Variants in CCDC91 observed in about 807,000 individuals in gnomAD.
The protein encoded by CCDC91 is coiled-coil domain containing 91, also known as coiled-coil domain-containing protein 91.
CCDC91 carries 48 observed loss-of-function variants against 63.2 expected under a neutral mutation model. The ratio of observed to expected loss-of-function variants is 0.76; its 90% CI spans 0.60 to 0.97. CCDC91 has a LOEUF of 0.97. Ranked by LOEUF, CCDC91 falls within the 50% of genes least tolerant of loss-of-function variation. CCDC91 has a pLI of 0.00. For synonymous variants in CCDC91, 167 were observed against 165.8 expected, an observed-to-expected ratio of 1.01 and a Z score of -0.06; for missense variants, 500 against 494.6, an observed-to-expected ratio of 1.01 and a Z score of -0.10.
intron 1 of CCDC91, among the ~76,000 whole-genome samples, chr12:28,246,293 A>G (rs1339045748): frequency 5.9e-5 from 9 of 152,154 alleles, no homozygotes; most frequent in Non-Finnish European, 2.9e-5. Context: ...AGCACAGGGA[A>G]GAGTTATATG....
At chr12:28,530,198 TA>T (rs1941618241) in intron 12 of CCDC91, among the ~76,000 whole-genome samples, 1 of 152,156 alleles carries the variant, frequency 6.6e-6, no homozygotes, top group Admixed American at 6.6e-5. Context: ...GTCTATGTCA[TA>T]AAAAGCAATA....
At chr12:28,221,306 T>C (rs1488923302) in intron 1 of CCDC91, among the ~76,000 whole-genome samples, 2 of 152,184 alleles carry the variant, frequency 1.3e-5, no homozygotes, top group African/African-American at 4.8e-5. Context: ...TTAAAAGTTA[T>C]AAAGCATATT....
chr12:28,379,670 A>T (rs553513507), intron 7 of CCDC91, among the ~76,000 whole-genome samples: 5 of 152,252 alleles, frequency 3.3e-5, no homozygotes, highest in Admixed American at 6.5e-5. Flanking sequence ...GCTGGAGAGG[A>T]TGTGGAGAAA....
At chr12:28,543,211 A>G (rs917057892) in intron 12 of CCDC91, among the ~76,000 whole-genome samples, 2 of 152,084 alleles carry the variant, frequency 1.3e-5, no homozygotes, top group African/African-American at 4.8e-5. Context: ...CATCTTAATT[A>G]CATCAGCAAA....
chr12:28,212,391 C>T (rs11049466), intron 1 of CCDC91, among the ~76,000 whole-genome samples: 2 of 152,304 alleles, frequency 1.3e-5, no homozygotes, highest in East Asian at 1.9e-4. Flanking sequence ...AAGTGAGGTA[C>T]AGAACAGCTT....
rs140174832 is a variant in CCDC91 at position 28,264,535 on chromosome 12, A to ATG, written c.109+5095_109+5096dup. Among the ~76,000 whole-genome samples the ATG allele has an allele frequency of 2.3e-3, 352 of 150,550 alleles. 12 individuals are homozygous for ATG. The East Asian group carries it at 0.061, about 26-fold the overall frequency. ...CTTATATATAAATATGTATGTATAT[A>ATG]TGTATATATATGTGTATAAGAATAT... is the stretch of plus-strand genomic sequence containing the variant. On this transcript the variant is annotated intron_variant, in intron 3 of 12. Transcript: ENST00000536442.
chr12:28,328,786 C>G (rs1941240958), intron 6 of CCDC91, among the ~76,000 whole-genome samples: 1 of 151,784 alleles, frequency 6.6e-6, no homozygotes, highest in African/African-American at 2.4e-5. Flanking sequence ...ATGATATAAA[C>G]AGATGCGATT....
At chr12:28,293,324 AAG>A (rs1378675588) in intron 3 of CCDC91, among the ~76,000 whole-genome samples, 1 of 152,240 alleles carries the variant, frequency 6.6e-6, no homozygotes, top group African/African-American at 2.4e-5. Flanking sequence ...AAAGAGAAGA[AAG>A]AACAAATAAT....
chr12:28,444,841 T>C (rs1185788394), intron 8 of CCDC91, among the ~76,000 whole-genome samples: 1 of 114,512 alleles, frequency 8.7e-6, no homozygotes, highest in African/African-American at 4.6e-5. Context: ...TAAAAGTTTT[T>C]CTTAAAGATT....
At chr12:28,459,508 G>T (rs1950206874) in intron 11 of CCDC91, among the ~76,000 whole-genome samples, 1 of 152,098 alleles carries the variant, frequency 6.6e-6, no homozygotes, top group Non-Finnish European at 1.5e-5. Flanking sequence ...ATTTTACCAA[G>T]ATTAGAGTTA....
At chr12:28,537,744 A>C (rs1238414565) in intron 12 of CCDC91, among the ~76,000 whole-genome samples, 2 of 152,186 alleles carry the variant, frequency 1.3e-5, no homozygotes, top group Non-Finnish European at 2.9e-5. Context: ...AGCTCCAGCA[A>C]AGATATTTGT....
intron 6 of CCDC91, among the ~76,000 whole-genome samples, chr12:28,332,813 G>A (rs145173368): frequency 9.9e-4 from 151 of 151,800 alleles, no homozygotes; most frequent in African/African-American, 3.4e-3. Flanking sequence ...GGCCAACAGC[G>A]CTGTAACTCA....
intron 8 of CCDC91, among the ~76,000 whole-genome samples, chr12:28,410,057 T>C (rs1439901586): frequency 2.0e-5 from 3 of 152,156 alleles, no homozygotes; most frequent in African/African-American, 7.2e-5. Flanking sequence ...TTTGGTGTCT[T>C]GTCAAGTCTT....
At chr12:28,292,622 A>C (rs1408461618) in intron 3 of CCDC91, among the ~76,000 whole-genome samples, 1 of 150,508 alleles carries the variant, frequency 6.6e-6, no homozygotes, top group African/African-American at 2.5e-5. Context: ...GTGATGACTA[A>C]GTTTTTTTTT....
At chr12:28,511,681 T>A (rs1939391657) in intron 12 of CCDC91, among the ~76,000 whole-genome samples, 1 of 151,776 alleles carries the variant, frequency 6.6e-6, no homozygotes, top group African/African-American at 2.4e-5. Context: ...TTCAGCAGAG[T>A]CTGAGGAAAA....
chr12:28,299,912 T>C (rs1565757417), intron 3 of CCDC91, among the ~76,000 whole-genome samples: 1 of 151,476 alleles, frequency 6.6e-6, no homozygotes, highest in Non-Finnish European at 1.5e-5. Context: ...CTGTGATACA[T>C]GTTATACATA....
At position 28,305,783 on chromosome 12, in the gene CCDC91, A is replaced by C. The variant is rs1201558637; in HGVS notation, c.244A>C (p.Ser82Arg). 1 of 1,612,624 alleles carries C rather than the reference A, an allele frequency of 6.2e-7. No individual in the cohort carries two copies. Among genetic ancestry groups the C allele is most frequent in the African/African-American group, 1.3e-5 (1 of 74,852 alleles). ...ENTHAANSIV[S>R]QTIPKAQIQQ... is the part of the protein sequence containing the mutation. ...TACACATGCAGCAAATAGCATTGTG[A>C]GTCAAACTATTCCAAAAGCACAGGT... Residue 82 changes from serine to arginine, a missense_variant, in exon 4 of 13, where the codon AGT becomes CGT. Ser to Arg is a moderately radical substitution (Grantham distance 110, BLOSUM62 -1). Coordinates refer to ENST00000536442, the MANE Select transcript of CCDC91 (RefSeq NM_018318.5).
chr12:28,499,389 G>A (rs1197016479), intron 12 of CCDC91, among the ~76,000 whole-genome samples: 2 of 151,466 alleles, frequency 1.3e-5, no homozygotes, highest in African/African-American at 4.8e-5. Flanking sequence ...TAAGTTCTGG[G>A]GTACATGTGC....
intron 12 of CCDC91, among the ~76,000 whole-genome samples, chr12:28,522,442 C>T (rs1271447980): frequency 6.6e-5 from 10 of 151,804 alleles, no homozygotes; most frequent in African/African-American, 1.2e-4. Context: ...TTTTTTATTG[C>T]GTCTATTTGA....
Sources: gnomAD v4.1 joint callset for allele counts (sites outside exome capture counted in the v4.1 genomes callset) on GRCh38, gnomAD v4.1.1 for gene constraint, MANE v1.5 for transcripts, NCBI Gene and HGNC (gene_info 2026-07-23, HGNC 2026-07-21) for gene names.